PTPRM: variants seen among roughly 807,000 people sequenced by gnomAD.
PTPRM encodes receptor-type tyrosine-protein phosphatase mu.
Under a neutral mutation model 186.7 loss-of-function variants are expected in PTPRM, and 47 were observed. That is an observed-to-expected ratio of 0.25 (90% CI 0.20 to 0.32). The LOEUF is 0.32. PTPRM is among the 10% of genes least tolerant of loss of function. PTPRM has a pLI of 1.00. For synonymous variants in PTPRM, 668 were observed against 674.9 expected, an observed-to-expected ratio of 0.99 and a Z score of 0.16; for missense variants, 1,494 against 1,865.0, an observed-to-expected ratio of 0.80 and a Z score of 3.66.
At chr18:8,149,763 T>C (rs558138270) in intron 14 of PTPRM, among the ~76,000 whole-genome samples, 2 of 152,160 alleles carry the variant, frequency 1.3e-5, no homozygotes, top group Non-Finnish European at 2.9e-5. Context: ...TACAATTTGG[T>C]ATGTTTTTGC....
At chr18:8,106,034 C>G (rs1018598579) in intron 11 of PTPRM, among the ~76,000 whole-genome samples, 1 of 152,186 alleles carries the variant, frequency 6.6e-6, no homozygotes. Context: ...CCCTCAGGTA[C>G]CTCCTTCTTC....
chr18:7,813,041 A>G (rs573884300), intron 2 of PTPRM, among the ~76,000 whole-genome samples: 3 of 152,320 alleles, frequency 2.0e-5, no homozygotes, highest in African/African-American at 7.2e-5. Flanking sequence ...ATGCTGACGA[A>G]TTACCCCTGT....
intron 3 of PTPRM, among the ~76,000 whole-genome samples, chr18:7,898,365 TC>T (rs1254598735): frequency 1.3e-5 from 2 of 152,170 alleles, no homozygotes; most frequent in Non-Finnish European, 2.9e-5. Context: ...GGTAAGCAAA[TC>T]CCTTTCTTTG....
chr18:8,373,933 A>T (rs1055379506), intron 24 of PTPRM, among the ~76,000 whole-genome samples: 12 of 152,278 alleles, frequency 7.9e-5, no homozygotes, highest in African/African-American at 2.6e-4. Flanking sequence ...TGTATATAAC[A>T]TTAATGCTTG....
chr18:7,745,279 C>G (rs1451704022), intron 1 of PTPRM, among the ~76,000 whole-genome samples: 2 of 152,274 alleles, frequency 1.3e-5, no homozygotes, highest in South Asian at 2.1e-4. Context: ...ATCTGGCCAG[C>G]TATTTGAAGT....
In PTPRM at chr18:7,943,393, T is replaced by C. The variant is rs572032430; in HGVS notation, c.664-5788T>C. On this transcript the variant is annotated intron_variant, in intron 5 of 32. Transcript: ENST00000580170. ...GCTATTCTAGCTCATGATTCCAAAG[T>C]GGGGTACTCTACTTCGGTGACCCAA... Among the ~76,000 whole-genome samples the C allele has an allele frequency of 1.1e-4, 16 of 152,234 alleles. No homozygotes were observed. The South Asian group carries it at 3.3e-3, about 32-fold the overall frequency.
At chr18:7,975,953 G>A (rs2054903595) in intron 7 of PTPRM, among the ~76,000 whole-genome samples, 1 of 152,104 alleles carries the variant, frequency 6.6e-6, no homozygotes, top group African/African-American at 2.4e-5. Context: ...GGTGGATCAC[G>A]AGGTCAGGTG....
At chr18:8,189,284 G>A (rs1305230103) in intron 14 of PTPRM, among the ~76,000 whole-genome samples, 5 of 106,310 alleles carry the variant, frequency 4.7e-5, no homozygotes, top group African/African-American at 1.2e-4. Context: ...AGCAAGACTC[G>A]TCTCAAAAAA....
chr18:8,329,274 C>T (rs772480310), intron 22 of PTPRM, among the ~76,000 whole-genome samples: 3 of 152,202 alleles, frequency 2.0e-5, no homozygotes, highest in South Asian at 2.1e-4. Flanking sequence ...ACAGTTGGCA[C>T]TTAAAGCAGA....
chr18:7,948,383 C>T (rs796079070), intron 5 of PTPRM, among the ~76,000 whole-genome samples: 3 of 152,254 alleles, frequency 2.0e-5, no homozygotes, highest in Admixed American at 6.5e-5. Flanking sequence ...GACTTTAAAT[C>T]TCTAACCTGC....
At chr18:7,737,303 G>T (rs563869970) in intron 1 of PTPRM, among the ~76,000 whole-genome samples, 1 of 150,062 alleles carries the variant, frequency 6.7e-6, no homozygotes, top group South Asian at 2.1e-4. Flanking sequence ...TACCATGTTG[G>T]CTGGGCTGGT....
At chr18:7,784,777 G>T (rs1473540865) in intron 2 of PTPRM, among the ~76,000 whole-genome samples, 5 of 152,188 alleles carry the variant, frequency 3.3e-5, no homozygotes, top group Admixed American at 6.5e-5. Context: ...TGTGCAAGGT[G>T]CTGTTCCAGT....
intron 1 of PTPRM, among the ~76,000 whole-genome samples, chr18:7,743,962 G>T (rs1037920786): frequency 1.3e-5 from 2 of 152,174 alleles, no homozygotes; most frequent in African/African-American, 4.8e-5. Context: ...TGATTACCAT[G>T]AAATCAGGCT....
At chr18:7,916,140 G>C (rs983740108) in intron 4 of PTPRM, among the ~76,000 whole-genome samples, 1 of 152,212 alleles carries the variant, frequency 6.6e-6, no homozygotes, top group African/African-American at 2.4e-5. Context: ...AATTACCTAT[G>C]GTGAATAATG....
intron 1 of PTPRM, among the ~76,000 whole-genome samples, chr18:7,756,797 C>T: frequency 6.6e-6 from 1 of 152,212 alleles, no homozygotes; most frequent in South Asian, 2.1e-4. Flanking sequence ...CAAGCCACAT[C>T]ATTCGGATGG....
At position 8,134,611 on chromosome 18, in the gene PTPRM, ATTGAT is replaced by A. The variant is rs560437849; in HGVS notation, c.2168-9035_2168-9031del. Among the ~76,000 whole-genome samples, 163 of 152,280 alleles carry A rather than the reference ATTGAT, an allele frequency of 1.1e-3. 3 individuals carry two copies. The South Asian group carries it at 0.013, about 12-fold the overall frequency. ...TTACTCTCATACATTTCAGAATTGTATTGATCATATTACCAGATCTTTCTTTTCTG... is the reference window on the plus strand; with the variant it reads ...TTACTCTCATACATTTCAGAATTGTACATATTACCAGATCTTTCTTTTCTG... On this transcript the variant is annotated intron_variant, in intron 13 of 32. Transcript: ENST00000580170.
intron 7 of PTPRM, among the ~76,000 whole-genome samples, chr18:8,036,535 T>G (rs2086342225): frequency 6.6e-6 from 1 of 152,248 alleles, no homozygotes; most frequent in Non-Finnish European, 1.5e-5. Flanking sequence ...AAATTGATAG[T>G]ACTTTGTTCC....
intron 1 of PTPRM, among the ~76,000 whole-genome samples, chr18:7,603,065 C>A (rs1344426206): frequency 6.6e-6 from 1 of 151,624 alleles, no homozygotes; most frequent in African/African-American, 2.4e-5. Context: ...GTAGCTGGGA[C>A]TACAGGTGCC....
At chr18:8,040,958 T>C (rs2086654239) in intron 7 of PTPRM, among the ~76,000 whole-genome samples, 1 of 152,230 alleles carries the variant, frequency 6.6e-6, no homozygotes, top group African/African-American at 2.4e-5. Flanking sequence ...TATGTGACCA[T>C]GCAGTCTTGT....
Sources: allele counts gnomAD v4.1 joint callset (sites outside exome capture counted in the v4.1 genomes callset), GRCh38; gene constraint gnomAD v4.1.1; transcripts MANE v1.5; gene names NCBI Gene and HGNC (gene_info 2026-07-23, HGNC 2026-07-21).